RIMKLB: variants seen among roughly 807,000 people sequenced by gnomAD.
RIMKLB encodes ribosomal modification protein rimK like family member B.
Under a neutral mutation model 32.0 loss-of-function variants are expected in RIMKLB, and 7 were observed. The observed-to-expected ratio is 0.22, with a 90% confidence interval of 0.12 to 0.41. RIMKLB has a LOEUF of 0.41. Among genes scored for constraint, RIMKLB ranks in the 10% least tolerant of loss-of-function variants. The probability of loss-of-function intolerance (pLI) is 1.00; values close to 1 mark genes in which losing one functional copy is unlikely to be tolerated. For missense variants in RIMKLB, 289 were observed against 498.7 expected (o/e 0.58, Z 4.00); for synonymous variants, 172 against 185.1 (o/e 0.93, Z 0.57).
chr12:8,767,414 A>G (rs1338695762), intron 5 of RIMKLB, among the ~76,000 whole-genome samples: 1 of 149,460 alleles, frequency 6.7e-6, no homozygotes, highest in East Asian at 2.0e-4. Context: ...CGCAGTGTAG[A>G]GCTTCCTTAG....
upstream of RIMKLB, among the ~76,000 whole-genome samples, chr12:8,677,056 A>G (rs1264207469): frequency 6.6e-6 from 1 of 152,144 alleles, no homozygotes; most frequent in African/African-American, 2.4e-5. Flanking sequence ...TTCAAGTCTC[A>G]TTCTAGGGTA....
intron 1 of RIMKLB, chr12:8,700,467 C>T (rs1276743914): frequency 6.6e-6 from 1 of 152,388 alleles, no homozygotes; most frequent in Admixed American, 6.5e-5. Context: ...GCCAGTTGTT[C>T]CACACTTTGG....
intron 2 of RIMKLB, among the ~76,000 whole-genome samples, chr12:8,746,338 C>G (rs891662899): frequency 1.1e-4 from 16 of 151,832 alleles, no homozygotes; most frequent in Middle Eastern, 3.4e-3. Flanking sequence ...GGAGCTCATG[C>G]CTGTAATCCC....
chr12:8,738,028 A>G (rs947756476), intron 2 of RIMKLB, among the ~76,000 whole-genome samples: 3 of 151,928 alleles, frequency 2.0e-5, no homozygotes, highest in Non-Finnish European at 2.9e-5. Context: ...AATTTTCTCT[A>G]TTATCTTCTG....
intron 5 of RIMKLB, among the ~76,000 whole-genome samples, chr12:8,766,851 A>G (rs887050201): frequency 2.6e-5 from 4 of 152,246 alleles, no homozygotes; most frequent in African/African-American, 9.6e-5. Context: ...ATACTTTAAG[A>G]TTTGAGTTAG....
intron 5 of RIMKLB, among the ~76,000 whole-genome samples, chr12:8,766,457 AAC>A (rs1949974579): frequency 6.6e-6 from 1 of 152,148 alleles, no homozygotes; most frequent in Admixed American, 6.5e-5. Context: ...TCCCATAAAC[AAC>A]AGTTCTTAGG....
At chr12:8,688,434 A>T (rs1157023217) in intron 1 of RIMKLB, among the ~76,000 whole-genome samples, 1 of 152,194 alleles carries the variant, frequency 6.6e-6, no homozygotes, top group African/African-American at 2.4e-5. Context: ...GGAATGAGAA[A>T]ACAGAAGATA....
downstream of RIMKLB, chr12:8,777,915 T>C: frequency 1.1e-5 from 2 of 181,964 alleles, no homozygotes; most frequent in Non-Finnish European, 2.3e-5. Context: ...AATTCTCACT[T>C]AAAAATAATG....
intron 2 of RIMKLB, among the ~76,000 whole-genome samples, chr12:8,743,557 G>A (rs1947786449): frequency 6.7e-6 from 1 of 148,692 alleles, no homozygotes; most frequent in Non-Finnish European, 1.5e-5. Context: ...TAAGAGTATA[G>A]CCAAACTCTG....
At chr12:8,684,589 G>C (rs1015629147) in intron 1 of RIMKLB, among the ~76,000 whole-genome samples, 2 of 152,078 alleles carry the variant, frequency 1.3e-5, no homozygotes, top group Non-Finnish European at 2.9e-5. Flanking sequence ...CTACTGTGTA[G>C]ATTCTTTTTC....
chr12:8,714,191 A>C (rs1944611443), intron 2 of RIMKLB, 150 bp downstream of exon 2: 1 of 606,580 alleles, frequency 1.6e-6, no homozygotes, highest in South Asian at 2.2e-5. Context: ...TATGAAAGTA[A>C]TATAAACACT....
intron 2 of RIMKLB, among the ~76,000 whole-genome samples, chr12:8,722,096 C>A (rs897077982): frequency 2.0e-5 from 3 of 151,884 alleles, no homozygotes; most frequent in African/African-American, 7.3e-5. Context: ...AGAACTTTTT[C>A]AGTTTACTTG....
At chr12:8,739,521 G>C (rs1359758582) in intron 2 of RIMKLB, among the ~76,000 whole-genome samples, 2 of 152,090 alleles carry the variant, frequency 1.3e-5, no homozygotes, top group Non-Finnish European at 2.9e-5. Context: ...TGTCACCCAC[G>C]CTGGTGCGCA....
chr12:8,681,316 A>AC (rs1843660024), upstream of RIMKLB, among the ~76,000 whole-genome samples: 1 of 150,976 alleles, frequency 6.6e-6, no homozygotes, highest in Non-Finnish European at 1.5e-5. Flanking sequence ...ATGTAAACAA[A>AC]CAATTGTACA....
chr12:8,736,842 G>T (rs182350679), intron 2 of RIMKLB, among the ~76,000 whole-genome samples: 1 of 151,236 alleles, frequency 6.6e-6, no homozygotes, highest in African/African-American at 2.4e-5. Context: ...ACGGAGTTTC[G>T]CTCTTCTTGC....
At chr12:8,765,818 A>G (rs1329600242) in intron 5 of RIMKLB, among the ~76,000 whole-genome samples, 3 of 152,062 alleles carry the variant, frequency 2.0e-5, no homozygotes, top group East Asian at 3.9e-4. Flanking sequence ...TAGGGCATAA[A>G]TCACACTTTT....
chr12:8,710,847 G>A (rs1321873613), intron 1 of RIMKLB, among the ~76,000 whole-genome samples: 1 of 151,732 alleles, frequency 6.6e-6, no homozygotes, highest in Non-Finnish European at 1.5e-5. Context: ...TCATTGATTG[G>A]CAAGGCATGG....
Position 8,775,514 on chromosome 12 carries a change from C to A in RIMKLB, c.*1730C>A, listed in dbSNP as rs1418474084. On this transcript the variant is annotated 3_prime_UTR_variant, in exon 6 of 6. Transcript: ENST00000535829. ...TCTGAAGCTTTTACCCAAGCCCTTT[C>A]TTGCCTCTCCAGTGCTATTTTCCTT... The A allele has an allele frequency of 5.1e-6, 5 of 985,642 alleles. No homozygotes were observed. The highest frequency in any genetic ancestry group is 6.0e-6 in the Non-Finnish European group (5 of 829,896). The allele number at this position is 985,642 out of a possible 1,614,324, so 61.1% of individuals were successfully genotyped here.
In RIMKLB at chr12:8,723,581, A is replaced by C. The variant is rs536240611; in HGVS notation, c.175+9540A>C. The stretch of plus-strand genomic sequence containing the variant: ...AAAAACACAATAACTGCAAAAGGCA[A>C]TAAGTTAAAGCACAATAAAATGAGG... On this transcript the variant is annotated intron_variant, in intron 2 of 5. Transcript: ENST00000535829. Among the ~76,000 whole-genome samples, 19 of 152,340 alleles carry C rather than the reference A, an allele frequency of 1.2e-4. No individual in the cohort carries two copies. The South Asian group carries it at 3.9e-3, about 32-fold the overall frequency.
Sources: gnomAD v4.1 joint callset for allele counts (sites outside exome capture counted in the v4.1 genomes callset) on GRCh38, gnomAD v4.1.1 for gene constraint, MANE v1.5 for transcripts, NCBI Gene and HGNC (gene_info 2026-07-23, HGNC 2026-07-21) for gene names.